Variants in DLGAP2 observed in about 807,000 individuals in gnomAD.
DLGAP2 encodes the protein DLG associated protein 2, also known as disks large-associated protein 2.
In DLGAP2, 26 loss-of-function variants were observed where a neutral mutation model predicts 100.3. That is an observed-to-expected ratio of 0.26 (90% confidence interval 0.19 to 0.36). DLGAP2 has a LOEUF of 0.36. DLGAP2 is among the 10% of genes least tolerant of loss of function. The probability of loss-of-function intolerance (pLI) is 1.00; values close to 1 mark genes in which losing one functional copy is unlikely to be tolerated. For missense variants in DLGAP2, 1,858 were observed against 1,453.2 expected, an observed-to-expected ratio of 1.28 and a Z score of -4.53; for synonymous variants, 886 against 630.1, an observed-to-expected ratio of 1.41 and a Z score of -6.08.
chr8:1,124,249 C>G (rs1796114713), intron 2 of DLGAP2, among the ~76,000 whole-genome samples: 1 of 152,188 alleles, frequency 6.6e-6, no homozygotes, highest in Admixed American at 6.5e-5. Flanking sequence ...GGGAGAGGAC[C>G]ATGGGCTAAG....
chr8:758,773 G>A (rs1820984634), intron 1 of DLGAP2, among the ~76,000 whole-genome samples: 1 of 152,126 alleles, frequency 6.6e-6, no homozygotes, highest in African/African-American at 2.4e-5. Flanking sequence ...TTTTGTCCAG[G>A]CTGGTCCTGA....
intron 2 of DLGAP2, among the ~76,000 whole-genome samples, chr8:1,187,434 GC>G (rs1797531441): frequency 9.4e-6 from 1 of 106,422 alleles, no homozygotes; most frequent in African/African-American, 5.5e-5. Flanking sequence ...CGTGACGTTT[GC>G]CTCACGGAAT....
intron 1 of DLGAP2, among the ~76,000 whole-genome samples, chr8:866,631 C>T (rs574795747): frequency 1.6e-4 from 24 of 152,272 alleles, no homozygotes; most frequent in African/African-American, 4.3e-4. Context: ...ATGTGGCCAT[C>T]GGGAAGCGCT....
intron 3 of DLGAP2, among the ~76,000 whole-genome samples, chr8:1,410,970 A>G (rs1325013506): frequency 6.6e-6 from 1 of 151,912 alleles, no homozygotes; most frequent in Non-Finnish European, 1.5e-5. Context: ...ATAATTGCAT[A>G]GTGTTGTACG....
At chr8:833,455 G>T (rs1054516933) in intron 1 of DLGAP2, among the ~76,000 whole-genome samples, 1 of 152,150 alleles carries the variant, frequency 6.6e-6, no homozygotes, top group African/African-American at 2.4e-5. Context: ...AGCTTTGGAG[G>T]GTCCTGCCTG....
At chr8:981,457 G>A (rs370765965) in intron 2 of DLGAP2, among the ~76,000 whole-genome samples, 22 of 152,144 alleles carry the variant, frequency 1.4e-4, no homozygotes, top group South Asian at 1.2e-3. Flanking sequence ...GAGTGGAAGC[G>A]CTAGGTCATT....
chr8:1,142,669 G>A (rs1047260950), intron 2 of DLGAP2, among the ~76,000 whole-genome samples: 2 of 151,998 alleles, frequency 1.3e-5, no homozygotes, highest in Non-Finnish European at 2.9e-5. Context: ...CAGCTGTTCC[G>A]TTGGCCGTTG....
chr8:1,288,937 T>G (rs1799999477), intron 3 of DLGAP2, among the ~76,000 whole-genome samples: 1 of 152,202 alleles, frequency 6.6e-6, no homozygotes, highest in Admixed American at 6.5e-5. Flanking sequence ...ATTTTTAACA[T>G]GAAGTTCAGT....
intron 2 of DLGAP2, among the ~76,000 whole-genome samples, chr8:916,457 A>G (rs985604758): frequency 2.0e-5 from 3 of 152,174 alleles, no homozygotes; most frequent in African/African-American, 4.8e-5. Flanking sequence ...GTTCTCACTG[A>G]TAAGTGGGAA....
chr8:1,201,970 G>T (rs1337438162), intron 2 of DLGAP2, among the ~76,000 whole-genome samples: 3 of 146,722 alleles, frequency 2.0e-5, no homozygotes, highest in East Asian at 2.0e-4. Flanking sequence ...GGTGTGTACA[G>T]TATCTGTGTA....
intron 2 of DLGAP2, among the ~76,000 whole-genome samples, chr8:1,054,386 T>C (rs1238468522): frequency 6.6e-6 from 1 of 152,170 alleles, no homozygotes; most frequent in Non-Finnish European, 1.5e-5. Context: ...ATTAAATGGC[T>C]TGGACTTTAC....
At chr8:978,012 G>A (rs111352629) in intron 2 of DLGAP2, among the ~76,000 whole-genome samples, 1 of 32,874 alleles carries the variant, frequency 3.0e-5, no homozygotes, top group African/African-American at 1.6e-4. Flanking sequence ...TGCAGTGAGG[G>A]GCTGGGTTCT....
intron 2 of DLGAP2, among the ~76,000 whole-genome samples, chr8:965,528 C>G (rs572040363): frequency 7.2e-6 from 1 of 139,314 alleles, no homozygotes; most frequent in South Asian, 2.4e-4. Context: ...CTGCGCTGCA[C>G]ACGGCACTGT....
chr8:1,604,111 C>G (rs755019323), intron 6 of DLGAP2, among the ~76,000 whole-genome samples: 1 of 152,268 alleles, frequency 6.6e-6, no homozygotes, highest in Middle Eastern at 3.4e-3. Flanking sequence ...ATGAATGACC[C>G]TTCTTCATTT....
At chr8:1,668,171 C>T (rs1798592504) in intron 8 of DLGAP2, among the ~76,000 whole-genome samples, 158 bp from the exon 9 acceptor site, 1 of 152,232 alleles carries the variant, frequency 6.6e-6, no homozygotes, top group Admixed American at 6.5e-5. Context: ...TTCATGTGTG[C>T]TGTCTCACTG....
intron 2 of DLGAP2, among the ~76,000 whole-genome samples, chr8:1,128,536 C>G (rs566309989): frequency 6.6e-6 from 1 of 152,304 alleles, no homozygotes; most frequent in African/African-American, 2.4e-5. Flanking sequence ...GTGTGTAGCC[C>G]AGAAGCAACA....
At chr8:1,001,012 C>A (rs1255508300) in intron 2 of DLGAP2, among the ~76,000 whole-genome samples, 2 of 152,200 alleles carry the variant, frequency 1.3e-5, no homozygotes, top group Non-Finnish European at 2.9e-5. Flanking sequence ...CATTTAAAAT[C>A]AGGAGGTGTC....
At chr8:1,389,592 A>G (rs919247659) in intron 3 of DLGAP2, among the ~76,000 whole-genome samples, 1 of 152,116 alleles carries the variant, frequency 6.6e-6, no homozygotes, top group Non-Finnish European at 1.5e-5. Context: ...TTTTTATCCC[A>G]CCAGGCTCAG....
At chr8:1,282,061 A>T (rs1032329525) in intron 3 of DLGAP2, among the ~76,000 whole-genome samples, 2 of 100,502 alleles carry the variant, frequency 2.0e-5, no homozygotes. Context: ...GTGTGACCTG[A>T]ACCCAGCACA....
Sources: gnomAD v4.1 joint callset for allele counts (sites outside exome capture counted in the v4.1 genomes callset) on GRCh38, gnomAD v4.1.1 for gene constraint, MANE v1.5 for transcripts, NCBI Gene and HGNC (gene_info 2026-07-23, HGNC 2026-07-21) for gene names.